The following PTPRF variants were observed in gnomAD, a reference collection of about 807,000 sequenced individuals.
PTPRF encodes the protein receptor-type tyrosine-protein phosphatase F.
Under a neutral mutation model 201.8 loss-of-function variants are expected in PTPRF, and 59 were observed. That is an observed-to-expected ratio of 0.29 (90% CI 0.24 to 0.36). PTPRF has a LOEUF of 0.36. PTPRF is among the 10% of genes least tolerant of loss of function. The probability of loss-of-function intolerance (pLI) is 1.00; values close to 1 mark genes in which losing one functional copy is unlikely to be tolerated. For missense variants in PTPRF, 2,132 were observed against 2,690.5 expected, an observed-to-expected ratio of 0.79 and a Z score of 4.59; for synonymous variants, 1,088 against 1,089.7, an observed-to-expected ratio of 1.00 and a Z score of 0.03.
intron 7 of PTPRF, chr1:43,579,134 T>C (rs76470217): frequency 5.7e-6 from 4 of 705,618 alleles, no homozygotes; most frequent in South Asian, 1.5e-5. Flanking sequence ...TGCAGGCCCA[T>C]GGGGAAGCAG....
rs1213918186 is a variant in PTPRF at position 43,588,082 on chromosome 1, C to A, written c.680-649C>A. Among the ~76,000 whole-genome samples the A allele has an allele frequency of 6.6e-6, 1 of 152,192 alleles. No homozygotes were observed. Among genetic ancestry groups the A allele is most frequent in the East Asian group, 1.9e-4 (1 of 5,194 alleles). On this transcript the variant is annotated intron_variant, in intron 7 of 33. Coordinates refer to ENST00000359947, the MANE Select transcript of PTPRF (RefSeq NM_002840.5). This position sits in a 1 kb window ranked among gnomAD's most constrained non-coding sequence, Gnocchi z 5.3. The stretch of plus-strand genomic sequence containing the variant: ...GACCATGTCCCTGGCCTGCCCTGAC[C>A]CCTGCCCCTCCCCAGTCCTCCTGAG...
At chr1:43,568,183 T>C (rs1307378253) in intron 5 of PTPRF, among the ~76,000 whole-genome samples, 2 of 151,754 alleles carry the variant, frequency 1.3e-5, no homozygotes, top group African/African-American at 4.8e-5. Flanking sequence ...TAATCCCAGC[T>C]ACTCGGGAGG....
At chr1:43,587,449 A>G (rs913515959) in intron 7 of PTPRF, among the ~76,000 whole-genome samples, 1 of 152,156 alleles carries the variant, frequency 6.6e-6, no homozygotes, top group African/African-American at 2.4e-5. Context: ...TGAATGTCTG[A>G]TCTCTGGGTC....
intron 10 of PTPRF, 131 bp downstream of exon 10, chr1:43,592,079 G>T (rs967665708): frequency 7.7e-7 from 1 of 1,296,020 alleles, no homozygotes; most frequent in Non-Finnish European, 1.1e-6. Flanking sequence ...TCTGCTGGAG[G>T]CTTAGTGGTG....
At chr1:43,585,444 G>T (rs1352235788) in intron 7 of PTPRF, among the ~76,000 whole-genome samples, 1 of 152,176 alleles carries the variant, frequency 6.6e-6, no homozygotes, top group Admixed American at 6.5e-5. Context: ...CTGAAGCCCA[G>T]TGTCCTTGTG....
chr1:43,621,167 G>A lies in PTPRF; in HGVS notation c.5590G>A (p.Val1864Met), dbSNP rs763894460. 7.4e-6 allele frequency: 12 copies of A among 1,614,180 alleles called. No individual in the cohort carries two copies. In the Admixed American group the frequency reaches 1.2e-4, roughly 16 times the overall value. Residue 1864 changes from valine (V) to methionine (M), a missense_variant, in exon 33 of 34, where the codon GTG becomes ATG. Physicochemically the swap from Val to Met is conservative, Grantham distance 21. Transcript: ENST00000359947. ...IVLERMRYEG[V>M]VDMFQTVKTL... ...CCTGGAGCGCATGCGCTACGAGGGC[G>A]TGGTCGACATGTTTCAGACCGTGAA...
rs762152587 is a variant in PTPRF at position 43,545,759 on chromosome 1, A to C, written c.91+593A>C. ...GCTCCTCAGACCTGGAAATGGGGGGAAGATTGTGTTTGGCCGGCAGGAAGC... is the reference window on the plus strand; with the variant it reads ...GCTCCTCAGACCTGGAAATGGGGGGCAGATTGTGTTTGGCCGGCAGGAAGC... On this transcript the variant is annotated intron_variant, in intron 3 of 33. Transcript: ENST00000359947. Among the ~76,000 whole-genome samples, 97 of 151,704 alleles carry C rather than the reference A, an allele frequency of 6.4e-4. 1 individual carries two copies. The highest frequency in any genetic ancestry group is 1.8e-4 in the Non-Finnish European group (12 of 67,926).
intron 12 of PTPRF, chr1:43,598,292 T>C: frequency 2.0e-6 from 1 of 497,236 alleles, no homozygotes; most frequent in Non-Finnish European, 3.5e-6. Flanking sequence ...GAAGCAGCCC[T>C]GTCTAAGATT....
rs1373936203 is a variant in PTPRF at position 43,605,589 on chromosome 1, G to C, written c.3450G>C (p.Arg1150Ser). The C allele has an allele frequency of 3.1e-6, 5 of 1,614,080 alleles. No homozygotes were observed. The Admixed American group carries it at 5.0e-5, about 16-fold the overall frequency. Residue 1150 changes from arginine to serine, a missense_variant, in exon 19 of 34, where the codon AGG becomes AGC. By Grantham distance (110) the Arg-to-Ser change is moderately radical (BLOSUM62 -1). Around this residue, in one of 6 missense-constraint regions of PTPRF, gnomAD observed 818 missense variants for 915.3 expected, o/e 0.89. Coordinates refer to ENST00000359947, the MANE Select transcript of PTPRF (RefSeq NM_002840.5). ...TGGGCGGGAGCATGCTGACGCCAAG[G>C]TGGAGCACACCCGAGGAACTGGAGC... ...DRVGGSMLTP[R>S]WSTPEELELD...
At chr1:43,608,097 G>C (rs955783579) in intron 21 of PTPRF, among the ~76,000 whole-genome samples, 2 of 152,214 alleles carry the variant, frequency 1.3e-5, no homozygotes, top group African/African-American at 4.8e-5. Context: ...TCCCAGGGTG[G>C]ATGGACCTGT....
In PTPRF at chr1:43,620,517, C is replaced by A; in HGVS notation, c.5302C>A (p.Pro1768Thr). The A allele has an allele frequency of 6.2e-7, 1 of 1,613,896 alleles. No individual in the cohort carries two copies. Among genetic ancestry groups the A allele is most frequent in the Middle Eastern group, 1.7e-4 (1 of 6,060 alleles). ...TCGCTACCAGTACTTTGTTGTTGACCCGATGGCTGAGTACAACATGCCCCA... is the reference window on the plus strand; with the variant it reads ...TCGCTACCAGTACTTTGTTGTTGACACGATGGCTGAGTACAACATGCCCCA... The part of the protein sequence containing the change: ...SARYQYFVVD[P>T]MAEYNMPQYI... The change falls in exon 31 of 34, where the codon CCG (proline) becomes ACG (threonine). Residue 1768 changes from proline to threonine, a missense_variant. Pro to Thr is a conservative substitution (Grantham distance 38). Around this residue, in one of 6 missense-constraint regions of PTPRF, gnomAD observed 519 missense variants for 659.5 expected, o/e 0.79. Coordinates refer to ENST00000359947, the MANE Select transcript of PTPRF (RefSeq NM_002840.5).
At chr1:43,533,171 A>G (rs1475800216) in intron 1 of PTPRF, among the ~76,000 whole-genome samples, 1 of 152,082 alleles carries the variant, frequency 6.6e-6, no homozygotes, top group African/African-American at 2.4e-5. Flanking sequence ...TTGTTTTAAC[A>G]TAATTCCTTC....
At chr1:43,562,328 TTGACCTCC>T (rs1366331013) in intron 5 of PTPRF, among the ~76,000 whole-genome samples, 1 of 152,278 alleles carries the variant, frequency 6.6e-6, no homozygotes, top group East Asian at 1.9e-4. Context: ...CAGGATGGTC[TTGACCTCC>T]TGACCTCATG....
At chr1:43,569,864 C>T in intron 6 of PTPRF, 86 bp downstream of exon 6, 1 of 1,417,392 alleles carries the variant, frequency 7.1e-7, no homozygotes, top group Admixed American at 2.5e-5. Flanking sequence ...TCCCTTGGGC[C>T]TGGGCACCTC....
chr1:43,578,458 G>A (rs1429578910), intron 6 of PTPRF, among the ~76,000 whole-genome samples: 1 of 152,220 alleles, frequency 6.6e-6, no homozygotes, highest in Non-Finnish European at 1.5e-5. Flanking sequence ...GCGGGGCCAG[G>A]AACACTAACA....
intron 23 of PTPRF, among the ~76,000 whole-genome samples, chr1:43,614,988 C>T (rs1466995187): frequency 6.6e-6 from 1 of 152,246 alleles, no homozygotes; most frequent in East Asian, 1.9e-4. Context: ...GCTGTTTCCT[C>T]AGCACCTGGC....
chr1:43,578,582 G>A (rs1013794325), intron 6 of PTPRF, among the ~76,000 whole-genome samples: 1 of 152,198 alleles, frequency 6.6e-6, no homozygotes, highest in Admixed American at 6.5e-5. Flanking sequence ...TTGCTGGACT[G>A]TGGGGAGCAT....
In PTPRF at chr1:43,553,704, C is replaced by G; in HGVS notation, c.237+67C>G. On this transcript the variant is annotated intron_variant, in intron 4 of 33. Transcript: ENST00000359947. This position sits in a 1 kb window ranked among gnomAD's most constrained non-coding sequence, Gnocchi z 4.1. ...GCCCACACTCTCTCCTTTCAGTGTC[C>G]CTCCTCATGGACCTTTTGGAGGTGG... 6.2e-7 allele frequency: 1 copy of G among 1,609,218 alleles called. No individual in the cohort carries two copies. The highest frequency in any genetic ancestry group is 8.5e-7 in the Non-Finnish European group (1 of 1,177,030).
At position 43,588,513 on chromosome 1, in the gene PTPRF, G is replaced by T. The variant is rs1212624695; in HGVS notation, c.680-218G>T. On this transcript the variant is annotated intron_variant, in intron 7 of 33. Coordinates refer to ENST00000359947, the MANE Select transcript of PTPRF (RefSeq NM_002840.5). This position sits in a 1 kb window ranked among gnomAD's most constrained non-coding sequence, Gnocchi z 5.3. ...AAGATCTCTCATTGAGTAAGTCATC[G>T]TGCTCCAGACAGTCCCTGAGTGTGG... Among the ~76,000 whole-genome samples, 2 of 152,174 alleles carry T rather than the reference G, an allele frequency of 1.3e-5. 1 individual carries two copies. The highest frequency in any genetic ancestry group is 4.8e-5 in the African/African-American group (2 of 41,448).
Sources: allele counts gnomAD v4.1 joint callset (sites outside exome capture counted in the v4.1 genomes callset), GRCh38; gene constraint gnomAD v4.1.1; regional missense constraint gnomAD v4.1.1; non-coding constraint Gnocchi (gnomAD v3.1); transcripts MANE v1.5; gene names NCBI Gene and HGNC (gene_info 2026-07-23, HGNC 2026-07-21).